The following MYLK variants were observed in gnomAD, a reference collection of about 807,000 sequenced individuals.
MYLK encodes myosin light chain kinase, smooth muscle.
A neutral mutation model predicts 203.4 loss-of-function variants in MYLK; 106 were observed. The ratio of observed to expected loss-of-function variants is 0.52; its 90% confidence interval spans 0.45 to 0.61. The LOEUF (loss-of-function observed/expected upper bound fraction) is 0.61. Among genes scored for constraint, MYLK ranks in the 20% least tolerant of loss-of-function variants. MYLK has a pLI of 0.00. For synonymous variants in MYLK, 867 were observed against 959.5 expected, an observed-to-expected ratio of 0.90 and a Z score of 1.78; for missense variants, 2,072 against 2,442.3, an observed-to-expected ratio of 0.85 and a Z score of 3.20.
At chr3:123,732,244 A>C (rs981451418) in intron 11 of MYLK, among the ~76,000 whole-genome samples, 7 of 152,228 alleles carry the variant, frequency 4.6e-5, no homozygotes, top group South Asian at 2.1e-4. Context: ...GAAACAATTT[A>C]ATTATTCAAC....
chr3:123,722,198 A>T lies in MYLK; in HGVS notation c.1734T>A (p.His578Gln), dbSNP rs1252356845. 1.3e-6 allele frequency: 2 copies of T among 1,561,966 alleles called. No homozygotes were observed. The highest frequency in any genetic ancestry group is 1.7e-6 in the Non-Finnish European group (2 of 1,152,808). Residue 578 changes from histidine to glutamine, a missense_variant, in exon 13 of 34, where the codon CAT becomes CAA. By Grantham distance (24) the His-to-Gln change is conservative. This residue lies in a region of MYLK where 865 missense variants were observed against 1,016.0 expected (regional missense o/e 0.85). Coordinates refer to ENST00000360304, the MANE Select transcript of MYLK (RefSeq NM_053025.4). ...LHIQDALPED[H>Q]GTYTCLAENA... The stretch of plus-strand genomic sequence containing the variant: ...TCTCAGCTAGGCAGGTGTAGGTGCC[A>T]TGGTCCTCCGGCAGGGCATCCTGGA...
At chr3:123,883,804 C>T (rs1258114970) in intron 1 of MYLK, among the ~76,000 whole-genome samples, 2 of 152,144 alleles carry the variant, frequency 1.3e-5, no homozygotes, top group East Asian at 1.9e-4. Flanking sequence ...CCCCGCCCTA[C>T]CTTCCCGGAA....
intron 2 of MYLK, among the ~76,000 whole-genome samples, chr3:123,872,662 G>C (rs2032879079): frequency 6.6e-6 from 1 of 152,172 alleles, no homozygotes; most frequent in South Asian, 2.1e-4. Context: ...AAATGGAAGA[G>C]ATACATAGGA....
In MYLK at chr3:123,664,115, G is replaced by A. The variant is rs1322355213; in HGVS notation, c.3975C>T (p.Leu1325=). Residue 1325 remains leucine (L), a synonymous_variant, in exon 23 of 34, where the codon CTC becomes CTT. Coordinates refer to ENST00000360304, the MANE Select transcript of MYLK (RefSeq NM_053025.4). ...KLGSRQAQVN[L]TVVDKPDPPA... is the part of the protein sequence containing the mutation. Reference sequence around the variant, plus strand: ...AGCCACCAGACTCACCCACGACAGTGAGGTTGACCTGGGCCTGCCTGCTGC... The same window carrying A: ...AGCCACCAGACTCACCCACGACAGTAAGGTTGACCTGGGCCTGCCTGCTGC... 2 of 1,614,034 alleles carry A rather than the reference G, an allele frequency of 1.2e-6. No homozygotes were observed. Among genetic ancestry groups the A allele is most frequent in the Non-Finnish European group, 1.7e-6 (2 of 1,179,948 alleles).
In MYLK at chr3:123,647,811, C is replaced by A. The variant is rs1011680339; in HGVS notation, c.4416-384G>T. Among the ~76,000 whole-genome samples, 17 of 152,158 alleles carry A rather than the reference C, an allele frequency of 1.1e-4. No individual in the cohort carries two copies. The South Asian group carries it at 1.2e-3, about 11-fold the overall frequency. ...AAGCAATCCTCCCACCTCGGCCTCC[C>A]AAAGTGCTGAGATTACAAGCGTGAG... is the stretch of plus-strand genomic sequence containing the variant. On this transcript the variant is annotated intron_variant, in intron 26 of 33. Coordinates refer to ENST00000360304, the MANE Select transcript of MYLK (RefSeq NM_053025.4).
intron 3 of MYLK, among the ~76,000 whole-genome samples, chr3:123,828,341 A>G (rs1560269728): frequency 6.6e-6 from 1 of 152,134 alleles, no homozygotes; most frequent in Non-Finnish European, 1.5e-5. Context: ...GGTACCAAGA[A>G]CATCTTTGGG....
chr3:123,709,685 C>G, intron 14 of MYLK, 71 bp downstream of exon 14: 1 of 1,598,914 alleles, frequency 6.3e-7, no homozygotes. Flanking sequence ...AGCGGGTCCT[C>G]GGAGAGCAAT....
intron 1 of MYLK, among the ~76,000 whole-genome samples, chr3:123,879,331 C>T (rs565326542): frequency 6.6e-5 from 10 of 152,228 alleles, no homozygotes; most frequent in East Asian, 3.9e-4. Context: ...TTTGGGAGTG[C>T]GCTGCAAGGT....
At chr3:123,881,831 C>A (rs1181520681) in intron 1 of MYLK, among the ~76,000 whole-genome samples, 1 of 152,180 alleles carries the variant, frequency 6.6e-6, no homozygotes, top group Non-Finnish European at 1.5e-5. Context: ...GCCAGAGACC[C>A]AGAACCTTTC....
At chr3:123,767,856 T>C (rs2063756065) in intron 4 of MYLK, among the ~76,000 whole-genome samples, 1 of 152,174 alleles carries the variant, frequency 6.6e-6, no homozygotes, top group African/African-American at 2.4e-5. Context: ...CTTGAGAAGA[T>C]GACTTTATTT....
intron 27 of MYLK, chr3:123,644,671 C>G (rs1271910227): frequency 6.6e-6 from 1 of 152,190 alleles, no homozygotes; most frequent in African/African-American, 2.4e-5. Context: ...ATGCCCACAC[C>G]GCCTGGACTA....
intron 4 of MYLK, among the ~76,000 whole-genome samples, chr3:123,765,618 T>C (rs1166964756): frequency 6.6e-6 from 1 of 151,684 alleles, no homozygotes; most frequent in African/African-American, 2.4e-5. Context: ...AACATCCAGA[T>C]AGTGGAAGCA....
In MYLK at chr3:123,614,208, G is replaced by C. The variant is rs1232047611; in HGVS notation, c.5642C>G (p.Thr1881Ser). The C allele has an allele frequency of 1.2e-5, 20 of 1,613,928 alleles. No individual in the cohort carries two copies. Among genetic ancestry groups the C allele is most frequent in the Non-Finnish European group, 1.7e-5 (20 of 1,180,038 alleles). The stretch of plus-strand genomic sequence containing the variant: ...TCCAAGACTGTTGACAGCCTTGCAG[G>C]TGTACTTGGCATCGTCATCCCCGCA... ...DVCGDDDAKYTCKAVNSLGEA... is the reference protein window; with the variant it reads ...DVCGDDDAKYSCKAVNSLGEA... Residue 1881 changes from threonine (T) to serine (S), a missense_variant, in exon 34 of 34, where the codon ACC (threonine) becomes AGC (serine). Physicochemically the swap from Thr to Ser is moderately conservative, Grantham distance 58. Around this residue, in one of 3 missense-constraint regions of MYLK, gnomAD observed 524 missense variants for 782.4 expected, o/e 0.67. Transcript: ENST00000360304.
intron 2 of MYLK, among the ~76,000 whole-genome samples, chr3:123,832,374 G>C (rs1171053952): frequency 6.6e-6 from 1 of 152,222 alleles, no homozygotes; most frequent in African/African-American, 2.4e-5. Context: ...ACAGTAAGTA[G>C]CAATTCCATT....
intron 12 of MYLK, among the ~76,000 whole-genome samples, chr3:123,723,869 T>C (rs952636674): frequency 4.6e-5 from 7 of 152,234 alleles, no homozygotes; most frequent in African/African-American, 1.4e-4. Context: ...CTTGTTTTTG[T>C]AGCGCCTGCA....
intron 5 of MYLK, among the ~76,000 whole-genome samples, chr3:123,746,907 G>C (rs1327470578): frequency 1.3e-5 from 2 of 152,096 alleles, no homozygotes; most frequent in Admixed American, 6.5e-5. Flanking sequence ...ATAATTATAG[G>C]TCCTTCAGAT....
In MYLK at chr3:123,611,097, G is replaced by C. The variant is rs2057237358; in HGVS notation, c.*3008C>G. ...AAATAATAAATTGTTAGGGACATTT[G>C]TGGATTGTGAGTGTCTTAAAAATGA... On this transcript the variant is annotated 3_prime_UTR_variant, in exon 34 of 34. Transcript: ENST00000360304. 6.6e-6 allele frequency: 1 copy of C among 152,176 alleles called. No homozygotes were observed. Among genetic ancestry groups the C allele is most frequent in the Non-Finnish European group, 1.5e-5 (1 of 68,026 alleles). 9.4% of individuals were successfully genotyped at this position (152,176 alleles called of 1,614,324 possible).
At chr3:123,645,467 G>T (rs1021910038) in intron 27 of MYLK, among the ~76,000 whole-genome samples, 1 of 152,162 alleles carries the variant, frequency 6.6e-6, no homozygotes, top group African/African-American at 2.4e-5. Context: ...CAACTTTCCT[G>T]GGAGAGAATT....
chr3:123,829,168 A>G (rs1172830121), intron 3 of MYLK, among the ~76,000 whole-genome samples: 2 of 152,234 alleles, frequency 1.3e-5, no homozygotes, highest in Admixed American at 1.3e-4. Context: ...ACTATTTACA[A>G]TAGCCAAGAA....
Sources: gnomAD v4.1 joint callset for allele counts (sites outside exome capture counted in the v4.1 genomes callset) on GRCh38, gnomAD v4.1.1 for gene constraint, gnomAD v4.1.1 regional missense constraint, MANE v1.5 for transcripts, NCBI Gene and HGNC (gene_info 2026-07-23, HGNC 2026-07-21) for gene names.